The following ALDH1L2 variants were observed in gnomAD, a reference collection of about 807,000 sequenced individuals.
ALDH1L2 encodes the protein mitochondrial 10-formyltetrahydrofolate dehydrogenase.
ALDH1L2 carries 91 observed loss-of-function variants against 111.0 expected under a neutral mutation model. That is an observed-to-expected ratio of 0.82 (90% confidence interval 0.69 to 0.98). The LOEUF (loss-of-function observed/expected upper bound fraction) is 0.98. ALDH1L2 is among the 50% of genes least tolerant of loss of function. The probability of loss-of-function intolerance (pLI) is 0.00; values close to 1 mark genes in which losing one functional copy is unlikely to be tolerated. For missense variants in ALDH1L2, 995 were observed against 1,126.8 expected (o/e 0.88, Z 1.67); for synonymous variants, 374 against 392.6 (o/e 0.95, Z 0.56).
chr12:105,026,588 G>A lies in ALDH1L2; in HGVS notation c.2673C>T (p.Ala891=), dbSNP rs1874420092. 3 of 1,614,052 alleles carry A rather than the reference G, an allele frequency of 1.9e-6. No individual in the cohort carries two copies. In the East Asian group the frequency reaches 6.7e-5, roughly 36 times the overall value. The stretch of plus-strand genomic sequence containing the variant: ...CAGATTGTTTAACTCCGCCAAATGG[G>A]GCCGCCACATCTGTCTTGTTGTATG... ...INTYNKTDVA[A]PFGGVKQSGF... is the part of the protein sequence containing the mutation. The change falls in exon 22 of 23, where the codon GCC becomes GCT. Residue 891 remains alanine, a synonymous_variant. Transcript: ENST00000258494.
chr12:105,077,616 C>G (rs1309486321), intron 1 of ALDH1L2, among the ~76,000 whole-genome samples: 1 of 151,758 alleles, frequency 6.6e-6, no homozygotes, highest in Non-Finnish European at 1.5e-5. Flanking sequence ...CTAGAGGAGA[C>G]TTTTGCAGGG....
chr12:105,074,928 C>T (rs137909017), intron 1 of ALDH1L2, among the ~76,000 whole-genome samples: 3 of 152,302 alleles, frequency 2.0e-5, no homozygotes, highest in Non-Finnish European at 4.4e-5. Context: ...TAAGCTTCAA[C>T]AAATACTTGC....
chr12:105,043,942 T>C (rs1276249858), intron 15 of ALDH1L2, among the ~76,000 whole-genome samples: 2 of 152,196 alleles, frequency 1.3e-5, no homozygotes, highest in Non-Finnish European at 2.9e-5. Context: ...TTCACACATA[T>C]AACAAAGCAG....
intron 3 of ALDH1L2, among the ~76,000 whole-genome samples, chr12:105,069,454 ACT>A (rs1877555031): frequency 6.6e-6 from 1 of 152,130 alleles, no homozygotes; most frequent in African/African-American, 2.4e-5. Flanking sequence ...TCAATCACTA[ACT>A]CTTCAGAAAT....
chr12:105,025,255 C>T (rs1307021682), intron 22 of ALDH1L2, among the ~76,000 whole-genome samples: 3 of 152,238 alleles, frequency 2.0e-5, no homozygotes, highest in East Asian at 3.9e-4. Flanking sequence ...CACATCACAC[C>T]CCAGATCAAT....
chr12:105,066,995 A>G (rs1877395695), intron 4 of ALDH1L2, among the ~76,000 whole-genome samples: 1 of 152,076 alleles, frequency 6.6e-6, no homozygotes, highest in Non-Finnish European at 1.5e-5. Context: ...TTGGGAGGCC[A>G]AGGCAGGCGG....
intron 3 of ALDH1L2, among the ~76,000 whole-genome samples, chr12:105,069,162 A>G (rs1181142801): frequency 6.6e-6 from 1 of 152,184 alleles, no homozygotes; most frequent in East Asian, 1.9e-4. Context: ...GTCTATCGTT[A>G]CTACCACTCA....
In ALDH1L2 at chr12:105,024,340, C is replaced by A. The variant is rs1214163619; in HGVS notation, c.*84G>T. On this transcript the variant is annotated 3_prime_UTR_variant, in exon 23 of 23. Coordinates refer to ENST00000258494, the MANE Select transcript of ALDH1L2 (RefSeq NM_001034173.4). ...TTTTTTGGTTTGTGGCTGACACCTC[C>A]TGCCTCAACACACCCAATCTTCTTA... is the stretch of plus-strand genomic sequence containing the variant. The A allele has an allele frequency of 9.1e-6, 14 of 1,535,252 alleles. No homozygotes were observed. In the East Asian group the frequency reaches 2.0e-4, roughly 22 times the overall value.
At chr12:105,042,374 TATTA>T (rs1381779214) in intron 15 of ALDH1L2, among the ~76,000 whole-genome samples, 1 of 151,754 alleles carries the variant, frequency 6.6e-6, no homozygotes, top group Non-Finnish European at 1.5e-5. Flanking sequence ...AAAAGAAGCC[TATTA>T]ATTAGAGTTT....
Position 105,061,683 on chromosome 12 carries a change from C to T in ALDH1L2, c.991G>A (p.Glu331Lys), listed in dbSNP as rs988015500. 4 of 1,614,150 alleles carry T rather than the reference C, an allele frequency of 2.5e-6. No individual in the cohort carries two copies. The highest frequency in any genetic ancestry group is 3.3e-5 in the Admixed American group (2 of 60,020). The change falls in exon 8 of 23, where the codon GAG (glutamate) becomes AAG (lysine). Residue 331 changes from glutamate (E) to lysine (K), a missense_variant. Coordinates refer to ENST00000258494, the MANE Select transcript of ALDH1L2 (RefSeq NM_001034173.4). ...GCTGTCAGTTCTACCACTGACGTCT[C>T]ACCCGTTGAAAAGTACTGAGAGGCA... ...IPASQYFSTG[E>K]TSVVELTAEE...
intron 2 of ALDH1L2, among the ~76,000 whole-genome samples, chr12:105,071,643 T>TATATATATATATATA (rs55911058): frequency 4.6e-3 from 63 of 13,790 alleles, no homozygotes; most frequent in African/African-American, 6.2e-3. Flanking sequence ...TATATATATA[T>TATATATATATATATA]TTTTTTTTTT....
rs1194522447 is a variant in ALDH1L2 at position 105,034,363 on chromosome 12, G to T, written c.2181C>A (p.Asn727Lys). 1 of 1,612,044 alleles carries T rather than the reference G, an allele frequency of 6.2e-7. No homozygotes were observed. The highest frequency in any genetic ancestry group is 8.5e-7 in the Non-Finnish European group (1 of 1,179,518). ...MGAVFFNKGENCIAAGRLFVE... is the reference protein window; with the variant it reads ...MGAVFFNKGEKCIAAGRLFVE... Reference sequence around the variant, plus strand: ...CGAACAACCGCCCAGCAGCAATACAGTTCTCTCCTTTGTTGAAAAATACTG... The same window carrying T: ...CGAACAACCGCCCAGCAGCAATACATTTCTCTCCTTTGTTGAAAAATACTG... The change falls in exon 19 of 23, where the codon AAC (asparagine) becomes AAA (lysine). Residue 727 changes from asparagine to lysine, a missense_variant. Coordinates refer to ENST00000258494, the MANE Select transcript of ALDH1L2 (RefSeq NM_001034173.4).
At chr12:105,060,694 C>T (rs1266435424) in intron 9 of ALDH1L2, 5 of 220,996 alleles carry the variant, frequency 2.3e-5, no homozygotes, top group Admixed American at 2.1e-4. Flanking sequence ...CGTGGTGGCG[C>T]ATGCCTGTAA....
chr12:105,064,134 T>TGTA (rs1877199537), intron 6 of ALDH1L2, among the ~76,000 whole-genome samples: 1 of 122,392 alleles, frequency 8.2e-6, no homozygotes, highest in South Asian at 2.9e-4. Flanking sequence ...TTTTTTTTTT[T>TGTA]TTTTTTTTTT....
In ALDH1L2 at chr12:105,079,016, T is replaced by C. The variant is rs939257142; in HGVS notation, c.49-5011A>G. Among the ~76,000 whole-genome samples the C allele has an allele frequency of 3.3e-5, 5 of 152,212 alleles. No homozygotes were observed. The South Asian group carries it at 8.3e-4, about 25-fold the overall frequency. ...GGACCTTATTGTGAAGACAATGAGATTCACTGAGCCGCTTTAAGCAGGAGA... is the reference window on the plus strand; with the variant it reads ...GGACCTTATTGTGAAGACAATGAGACTCACTGAGCCGCTTTAAGCAGGAGA... On this transcript the variant is annotated intron_variant, in intron 1 of 22. Coordinates refer to ENST00000258494, the MANE Select transcript of ALDH1L2 (RefSeq NM_001034173.4).
intron 1 of ALDH1L2, among the ~76,000 whole-genome samples, chr12:105,083,701 T>G (rs186840423): frequency 6.6e-6 from 1 of 152,118 alleles, no homozygotes; most frequent in East Asian, 1.9e-4. Flanking sequence ...CAGTGCAACG[T>G]GTCCTCTCTC....
At chr12:105,073,030 C>T (rs1276359406) in intron 2 of ALDH1L2, among the ~76,000 whole-genome samples, 1 of 152,162 alleles carries the variant, frequency 6.6e-6, no homozygotes, top group African/African-American at 2.4e-5. Context: ...GTTGAGCTTC[C>T]GTTTCAGTTT....
At chr12:105,028,104 G>GGTT (rs893962369) in intron 21 of ALDH1L2, among the ~76,000 whole-genome samples, 1 of 152,024 alleles carries the variant, frequency 6.6e-6, no homozygotes, top group African/African-American at 2.4e-5. Context: ...ATACAAGCCA[G>GGTT]GTTGTTGTTG....
intron 2 of ALDH1L2, 88 bp downstream of exon 2, chr12:105,073,773 G>C: frequency 6.4e-7 from 1 of 1,551,716 alleles, no homozygotes; most frequent in Non-Finnish European, 8.7e-7. Flanking sequence ...AGTAGGGGCT[G>C]AGGCAGCTAC....
Sources: allele counts gnomAD v4.1 joint callset (sites outside exome capture counted in the v4.1 genomes callset), GRCh38; gene constraint gnomAD v4.1.1; transcripts MANE v1.5; gene names NCBI Gene and HGNC (gene_info 2026-07-23, HGNC 2026-07-21).